Variants in KIF13A observed in about 807,000 individuals in gnomAD.
KIF13A encodes kinesin family member 13A, also known as kinesin-like protein KIF13A.
Under a neutral mutation model 212.2 loss-of-function variants are expected in KIF13A, and 79 were observed. The observed-to-expected ratio is 0.37, with a 90% CI of 0.31 to 0.45. The LOEUF (loss-of-function observed/expected upper bound fraction) is 0.45, where lower values mean the gene tolerates loss of function less well. Among genes scored for constraint, KIF13A ranks in the 20% least tolerant of loss-of-function variants. KIF13A has a pLI of 1.00. For missense variants in KIF13A, 1,901 were observed against 2,209.0 expected, an observed-to-expected ratio of 0.86 and a Z score of 2.79; for synonymous variants, 789 against 808.6, an observed-to-expected ratio of 0.98 and a Z score of 0.41.
Position 17,794,401 on chromosome 6 carries a change from G to A in KIF13A, c.3076-6C>T, listed in dbSNP as rs1355745308. 1.2e-6 allele frequency: 2 copies of A among 1,606,896 alleles called. No individual in the cohort carries two copies. Among genetic ancestry groups the A allele is most frequent in the Admixed American group, 1.7e-5 (1 of 59,516 alleles). On this transcript the variant is annotated splice_polypyrimidine_tract_variant and splice_region_variant and intron_variant, in intron 24 of 38. Coordinates refer to ENST00000259711, the MANE Select transcript of KIF13A (RefSeq NM_022113.6). The surrounding 1 kb of genome is among the most constrained non-coding windows in gnomAD (Gnocchi z 4.1). Reference sequence around the variant, plus strand: ...TGTACTCTACGGGAATGACCCTGAAGAGGGTGGGGAGGAGTATGGGTGCCA... The same window carrying A: ...TGTACTCTACGGGAATGACCCTGAAAAGGGTGGGGAGGAGTATGGGTGCCA...
chr6:17,930,876 A>G (rs1775927574), intron 2 of KIF13A, among the ~76,000 whole-genome samples: 1 of 152,228 alleles, frequency 6.6e-6, no homozygotes, highest in Admixed American at 6.5e-5. Flanking sequence ...ACAAGGGGTT[A>G]AGGAACTTGC....
At chr6:17,779,243 ATATATATATATATATTTTTTTTTTTT>A in intron 32 of KIF13A, 144 bp from the exon 33 acceptor site, 11 of 236,792 alleles carry the variant, frequency 4.6e-5, no homozygotes, top group African/African-American at 1.8e-4. Context: ...TAGCATATAT[ATATATATATATATATTTTTTTTTTTT>A]TTTTTTTTTT....
chr6:17,958,749 T>G (rs1469462900), intron 2 of KIF13A, among the ~76,000 whole-genome samples: 3 of 152,170 alleles, frequency 2.0e-5, no homozygotes, highest in Admixed American at 6.5e-5. Flanking sequence ...TTCCATCTAA[T>G]CCATTGTCAA....
Position 17,987,543 on chromosome 6 carries a change from A to C in KIF13A, c.-80T>G. 77 of 777,426 alleles carry C rather than the reference A, an allele frequency of 9.9e-5. No homozygotes were observed. The highest frequency in any genetic ancestry group is 1.2e-4 in the Non-Finnish European group (75 of 631,192). 48.2% of individuals were successfully genotyped at this position (777,426 alleles called of 1,614,324 possible). A position where few individuals can be genotyped will look rare whatever the true frequency, so the allele number is the denominator to read the frequency against. The stretch of plus-strand genomic sequence containing the variant: ...TCACGCGCGGCGCCGCCGCCGCTGC[A>C]GCCGCGCGCCCCTCGAGCGCGGCCG... On this transcript the variant is annotated 5_prime_UTR_variant, in exon 1 of 39. Transcript: ENST00000259711. This position sits in a 1 kb window ranked among gnomAD's most constrained non-coding sequence, Gnocchi z 7.7.
chr6:17,941,722 A>G (rs974078555), intron 2 of KIF13A, among the ~76,000 whole-genome samples: 1 of 151,226 alleles, frequency 6.6e-6, no homozygotes, highest in Non-Finnish European at 1.5e-5. Context: ...CAACATGGGT[A>G]CCCATGTTGA....
At chr6:17,833,306 C>A (rs1172429921) in intron 12 of KIF13A, among the ~76,000 whole-genome samples, 1 of 147,900 alleles carries the variant, frequency 6.8e-6, no homozygotes, top group Non-Finnish European at 1.5e-5. Context: ...CCAGCCCGGG[C>A]AACAAAATAA....
intron 18 of KIF13A, among the ~76,000 whole-genome samples, chr6:17,808,153 G>A (rs1763135383): frequency 6.6e-6 from 1 of 152,188 alleles, no homozygotes; most frequent in South Asian, 2.1e-4. Flanking sequence ...CTGGGAGACT[G>A]AGCGTGCAGA....
Position 17,855,400 on chromosome 6 carries a change from C to A in KIF13A, c.494+37G>T, listed in dbSNP as rs779027320. On this transcript the variant is annotated intron_variant, in intron 6 of 38. Transcript: ENST00000259711. This position sits in a 1 kb window ranked among gnomAD's most constrained non-coding sequence, Gnocchi z 4.1. ...CTTTAGAATCATTTAAAATTATCTC[C>A]CCCTATTAACACACTTAATCTTGAC... is the stretch of plus-strand genomic sequence containing the variant. The A allele has an allele frequency of 1.4e-6, 2 of 1,437,060 alleles. No individual in the cohort carries two copies. The highest frequency in any genetic ancestry group is 2.6e-5 in the South Asian group (2 of 78,136). 89.0% of individuals were successfully genotyped at this position (1,437,060 alleles called of 1,614,324 possible). A position where few individuals can be genotyped will look rare whatever the true frequency, so the allele number is the denominator to read the frequency against.
Position 17,799,884 on chromosome 6 carries a change from G to A in KIF13A, c.2616+68C>T. Reference sequence around the variant, plus strand: ...TACCCTGGATGAAAAACTCTCATAAGATTTTTTGTAAAATGGTTTTGCATG... The same window carrying A: ...TACCCTGGATGAAAAACTCTCATAAAATTTTTTGTAAAATGGTTTTGCATG... On this transcript the variant is annotated intron_variant, in intron 21 of 38. Transcript: ENST00000259711. This position sits in a 1 kb window ranked among gnomAD's most constrained non-coding sequence, Gnocchi z 4.4. The A allele has an allele frequency of 1.3e-6, 2 of 1,547,898 alleles. No individual in the cohort carries two copies. Among genetic ancestry groups the A allele is most frequent in the East Asian group, 2.3e-5 (1 of 44,386 alleles).
chr6:17,863,066 C>T (rs1768987034), intron 4 of KIF13A, among the ~76,000 whole-genome samples: 2 of 152,222 alleles, frequency 1.3e-5, no homozygotes, highest in African/African-American at 2.4e-5. Context: ...CACTGCACTC[C>T]AGCCTGAACG....
chr6:17,775,190 T>C (rs1561955756), intron 34 of KIF13A, 128 bp from the exon 35 acceptor site: 4 of 676,306 alleles, frequency 5.9e-6, no homozygotes, highest in Non-Finnish European at 7.3e-6. Flanking sequence ...CTTTCTTCCC[T>C]CTCCAGGAGT....
chr6:17,874,999 G>GCACACACACA (rs1554188630), intron 3 of KIF13A, among the ~76,000 whole-genome samples: 11,790 of 120,214 alleles, frequency 0.098, 661 homozygotes, highest in East Asian at 0.19. Context: ...ACACGCACAC[G>GCACACACACA]CACGCACACA....
intron 2 of KIF13A, among the ~76,000 whole-genome samples, chr6:17,976,116 G>T (rs901756153): frequency 6.6e-6 from 1 of 152,266 alleles, no homozygotes; most frequent in African/African-American, 2.4e-5. Context: ...AGACTCAGGA[G>T]CCCAGCTGGC....
chr6:17,862,270 T>C (rs1768873606), intron 4 of KIF13A, among the ~76,000 whole-genome samples: 1 of 152,210 alleles, frequency 6.6e-6, no homozygotes, highest in Non-Finnish European at 1.5e-5. Flanking sequence ...AGACTAATAG[T>C]TGCTACCTAA....
chr6:17,805,441 TAAC>T (rs1561995959), intron 19 of KIF13A, 31 bp downstream of exon 19: 2 of 1,588,416 alleles, frequency 1.3e-6, no homozygotes, highest in Non-Finnish European at 1.7e-6. Flanking sequence ...GTTTTTAACA[TAAC>T]AAAATCTCCA....
chr6:17,903,488 A>G (rs1773230272), intron 2 of KIF13A, among the ~76,000 whole-genome samples: 1 of 152,232 alleles, frequency 6.6e-6, no homozygotes, highest in Admixed American at 6.5e-5. Context: ...ATGAACAAAA[A>G]AAGGTTGCTA....
At position 17,783,627 on chromosome 6, in the gene KIF13A, A is replaced by T. The variant is rs370520652; in HGVS notation, c.3544+19T>A. ...TTAGTTAAATACAATAATCCCTGTG[A>T]CTTTAAGTGTCTACTTACCATTCAA... On this transcript the variant is annotated intron_variant, in intron 29 of 38. Coordinates refer to ENST00000259711, the MANE Select transcript of KIF13A (RefSeq NM_022113.6). The surrounding 1 kb of genome is among the most constrained non-coding windows in gnomAD (Gnocchi z 4.3). The T allele has an allele frequency of 2.7e-6, 4 of 1,500,210 alleles. No homozygotes were observed. The highest frequency in any genetic ancestry group is 3.7e-6 in the Non-Finnish European group (4 of 1,092,460). 92.9% of individuals were successfully genotyped at this position (1,500,210 alleles called of 1,614,324 possible). A position where few individuals can be genotyped will look rare whatever the true frequency, so the allele number is the denominator to read the frequency against.
At chr6:17,807,808 C>A (rs1204551732) in intron 18 of KIF13A, among the ~76,000 whole-genome samples, 2 of 152,174 alleles carry the variant, frequency 1.3e-5, no homozygotes, top group Non-Finnish European at 2.9e-5. Flanking sequence ...CCCCGGCGGC[C>A]CAGCTGTAAA....
intron 38 of KIF13A, among the ~76,000 whole-genome samples, chr6:17,767,683 C>G (rs763980727): frequency 6.6e-6 from 1 of 152,158 alleles, no homozygotes; most frequent in Non-Finnish European, 1.5e-5. Context: ...TAATTAAGTA[C>G]TGAAAAGTTA....
Sources: gnomAD v4.1 joint callset for allele counts (sites outside exome capture counted in the v4.1 genomes callset) on GRCh38, gnomAD v4.1.1 for gene constraint, Gnocchi (gnomAD v3.1) non-coding constraint, MANE v1.5 for transcripts, NCBI Gene and HGNC (gene_info 2026-07-23, HGNC 2026-07-21) for gene names.